PARD3: variants seen among roughly 807,000 people sequenced by gnomAD.
PARD3 encodes the protein par-3 family cell polarity regulator, also known as partitioning defective 3 homolog.
In PARD3, 75 loss-of-function variants were observed where a neutral mutation model predicts 155.4. That is an observed-to-expected ratio of 0.48 (90% CI 0.40 to 0.58). The LOEUF (loss-of-function observed/expected upper bound fraction) is 0.58. PARD3 is among the 20% of genes least tolerant of loss of function. The pLI is 0.00. For synonymous variants in PARD3, 576 were observed against 610.5 expected (o/e 0.94, Z 0.83); for missense variants, 1,642 against 1,721.7 (o/e 0.95, Z 0.82).
At chr10:34,352,043 C>T (rs1457818031) in intron 14 of PARD3, among the ~76,000 whole-genome samples, 1 of 152,144 alleles carries the variant, frequency 6.6e-6, no homozygotes, top group East Asian at 1.9e-4. Flanking sequence ...AATATGAGGT[C>T]TAAGACAGAA....
At chr10:34,734,420 C>T (rs891418853) in intron 1 of PARD3, among the ~76,000 whole-genome samples, 4 of 149,262 alleles carry the variant, frequency 2.7e-5, no homozygotes, top group African/African-American at 1.0e-4. Flanking sequence ...ACTGCAAGCT[C>T]CGCCTCCTGG....
At chr10:34,210,145 T>A (rs1163107295) in intron 22 of PARD3, among the ~76,000 whole-genome samples, 2 of 152,168 alleles carry the variant, frequency 1.3e-5, no homozygotes, top group East Asian at 3.9e-4. Context: ...TCCCAACATA[T>A]AACATATAAA....
At chr10:34,349,915 C>T (rs1423015183) in intron 14 of PARD3, among the ~76,000 whole-genome samples, 1 of 152,020 alleles carries the variant, frequency 6.6e-6, no homozygotes, top group Non-Finnish European at 1.5e-5. Context: ...ATAAAAATTC[C>T]ATTAAAAAGG....
chr10:34,594,614 C>T (rs1045220792), intron 2 of PARD3, among the ~76,000 whole-genome samples: 2 of 152,034 alleles, frequency 1.3e-5, no homozygotes, highest in African/African-American at 4.8e-5. Flanking sequence ...AAAAGAAAAT[C>T]GGCTTCAAAA....
intron 22 of PARD3, among the ~76,000 whole-genome samples, chr10:34,243,688 T>A (rs1046980522): frequency 3.9e-5 from 6 of 151,990 alleles, no homozygotes; most frequent in Non-Finnish European, 5.9e-5. Flanking sequence ...ATACAAAAAT[T>A]GGCTGGGTGT....
At chr10:34,706,694 G>A (rs2094367384) in intron 1 of PARD3, among the ~76,000 whole-genome samples, 1 of 152,198 alleles carries the variant, frequency 6.6e-6, no homozygotes. Context: ...CTGGAAGGTT[G>A]AGGCTGCTGT....
intron 4 of PARD3, among the ~76,000 whole-genome samples, chr10:34,453,543 A>C (rs2132836940): frequency 6.6e-6 from 1 of 152,320 alleles, no homozygotes; most frequent in East Asian, 1.9e-4. Flanking sequence ...TTTTAAAAGA[A>C]CATTTTGATA....
At chr10:34,436,484 C>T (rs999128056) in intron 5 of PARD3, among the ~76,000 whole-genome samples, 3 of 152,182 alleles carry the variant, frequency 2.0e-5, no homozygotes, top group Non-Finnish European at 4.4e-5. Context: ...GTCTCTTGGG[C>T]ATTGCTAGTG....
chr10:34,370,001 T>C lies in PARD3; in HGVS notation c.1707+2497A>G, dbSNP rs373477028. On this transcript the variant is annotated intron_variant, in intron 12 of 24. Transcript: ENST00000374788. ...AAACAGATCCTTGGCCATCAAAAGG[T>C]AGAAAGGCAGAGACTGTGCCCCTGT... Among the ~76,000 whole-genome samples, 8 of 152,186 alleles carry C rather than the reference T, an allele frequency of 5.3e-5. No individual in the cohort carries two copies. The East Asian group carries it at 9.6e-4, about 18-fold the overall frequency.
At chr10:34,499,951 T>C (rs2080569081) in intron 3 of PARD3, among the ~76,000 whole-genome samples, 1 of 152,234 alleles carries the variant, frequency 6.6e-6, no homozygotes. Flanking sequence ...GTAACTGCTA[T>C]GTAAATAGTT....
At chr10:34,242,681 T>G (rs544268323) in intron 22 of PARD3, among the ~76,000 whole-genome samples, 1 of 152,160 alleles carries the variant, frequency 6.6e-6, no homozygotes, top group South Asian at 2.1e-4. Flanking sequence ...TAAAAATAAT[T>G]TAAACACTTT....
intron 2 of PARD3, among the ~76,000 whole-genome samples, chr10:34,529,187 A>G (rs895518143): frequency 6.6e-6 from 1 of 152,202 alleles, no homozygotes; most frequent in African/African-American, 2.4e-5. Context: ...GTCCACACTT[A>G]GGTACAATTG....
chr10:34,793,594 C>T (rs964485151), intron 1 of PARD3, among the ~76,000 whole-genome samples: 1 of 152,098 alleles, frequency 6.6e-6, no homozygotes, highest in Non-Finnish European at 1.5e-5. Context: ...TGAGACCAGC[C>T]TGACCAACAT....
chr10:34,808,047 C>T (rs1843620480), intron 1 of PARD3, among the ~76,000 whole-genome samples: 1 of 152,212 alleles, frequency 6.6e-6, no homozygotes, highest in African/African-American at 2.4e-5. Context: ...GGCATGGTGG[C>T]TCGTGCCTGT....
rs145401464 is a variant in PARD3 at position 34,570,838 on chromosome 10, A to G, written c.223-53679T>C. The stretch of plus-strand genomic sequence containing the variant: ...GAGTTAAAAGATAAATGACAGCATT[A>G]TTATGAAAATACTTGTGACCTCAGT... On this transcript the variant is annotated intron_variant, in intron 2 of 24. Coordinates refer to ENST00000374788, the MANE Select transcript of PARD3 (RefSeq NM_001184785.2). 6.1e-4 allele frequency among the ~76,000 whole-genome samples: 93 copies of G among 152,336 alleles called. No individual in the cohort carries two copies. In the East Asian group the frequency reaches 0.013, roughly 21 times the overall value.
chr10:34,307,195 G>A (rs1957460220), intron 20 of PARD3, among the ~76,000 whole-genome samples: 1 of 152,058 alleles, frequency 6.6e-6, no homozygotes, highest in South Asian at 2.1e-4. Flanking sequence ...CGGCTCAAAA[G>A]TTTTATTTAT....
rs539299674 is a variant in PARD3 at position 34,545,369 on chromosome 10, C to G, written c.223-28210G>C. 4.2e-4 allele frequency among the ~76,000 whole-genome samples: 64 copies of G among 152,262 alleles called. 1 individual carries two copies. Among genetic ancestry groups the G allele is most frequent in the African/African-American group, 1.4e-3 (60 of 41,528 alleles). On this transcript the variant is annotated intron_variant, in intron 2 of 24. Transcript: ENST00000374788. ...TTCAAAGTAACATCTCCCTCAAACT[C>G]CGGTGTTAGGGCCAAACACCAGCAC...
At chr10:34,221,327 G>A (rs1952275066) in intron 22 of PARD3, among the ~76,000 whole-genome samples, 1 of 150,822 alleles carries the variant, frequency 6.6e-6, no homozygotes. Context: ...AAGCCTGGGA[G>A]TTCCGCAGAG....
intron 20 of PARD3, among the ~76,000 whole-genome samples, chr10:34,309,230 A>T (rs1276253388): frequency 6.6e-6 from 1 of 152,148 alleles, no homozygotes; most frequent in East Asian, 1.9e-4. Flanking sequence ...TGGAGGAGGT[A>T]ACAGCATGGT....
Sources: gnomAD v4.1 joint callset for allele counts (sites outside exome capture counted in the v4.1 genomes callset) on GRCh38, gnomAD v4.1.1 for gene constraint, MANE v1.5 for transcripts, NCBI Gene and HGNC (gene_info 2026-07-23, HGNC 2026-07-21) for gene names.